OR51B5: variants seen among roughly 807,000 people sequenced by gnomAD.
OR51B5 encodes the protein olfactory receptor 51B5.
For synonymous variants in OR51B5, 186 were observed against 144.8 expected (o/e 1.28, Z -2.04); for missense variants, 456 against 374.6 (o/e 1.22, Z -1.79).
At chr11:5,415,565 T>C (rs2133754562) in intron 1 of OR51B5, among the ~76,000 whole-genome samples, 1 of 151,922 alleles carries the variant, frequency 6.6e-6, no homozygotes. Flanking sequence ...AAGAATCAAA[T>C]AGATGCAATG....
At chr11:5,360,783 C>A (rs550121596) in intron 1 of OR51B5, among the ~76,000 whole-genome samples, 1 of 148,038 alleles carries the variant, frequency 6.8e-6, no homozygotes, top group African/African-American at 2.5e-5. Flanking sequence ...AAACGTGGCA[C>A]ATATACACCA....
chr11:5,353,200 T>A (rs776029264), intron 1 of OR51B5, among the ~76,000 whole-genome samples: 1 of 152,156 alleles, frequency 6.6e-6, no homozygotes, highest in Non-Finnish European at 1.5e-5. Context: ...ATGATGAGTC[T>A]AGGGAAAGTA....
intron 1 of OR51B5, among the ~76,000 whole-genome samples, chr11:5,365,264 T>C (rs1408923955): frequency 6.6e-6 from 1 of 152,128 alleles, no homozygotes; most frequent in East Asian, 1.9e-4. Flanking sequence ...GAAGGGCTGG[T>C]GGTGAGAACA....
Position 5,420,041 on chromosome 11 carries a change from G to A in OR51B5, n.85-73131C>T, listed in dbSNP as rs975800756. ...AAACAAATGTTGCATATTTATTTTAGTTATGATAGGTGATAGATATATAGG... is the reference window on the plus strand; with the variant it reads ...AAACAAATGTTGCATATTTATTTTAATTATGATAGGTGATAGATATATAGG... On this transcript the variant is annotated intron_variant and non_coding_transcript_variant, in intron 1 of 4. Transcript: ENST00000415970. Among the ~76,000 whole-genome samples the A allele has an allele frequency of 4.0e-5, 6 of 150,930 alleles. No individual in the cohort carries two copies. The East Asian group carries it at 1.2e-3, about 30-fold the overall frequency.
At chr11:5,389,767 G>A (rs1849763829) in intron 1 of OR51B5, 2 of 1,612,720 alleles carry the variant, frequency 1.2e-6, no homozygotes, top group Non-Finnish European at 1.7e-6. Context: ...CCTTCATGGA[G>A]TCCTCAGTGC....
At chr11:5,370,110 A>G (rs966110122) in intron 1 of OR51B5, among the ~76,000 whole-genome samples, 7 of 152,192 alleles carry the variant, frequency 4.6e-5, no homozygotes, top group African/African-American at 1.7e-4. Flanking sequence ...TTCTATAGAA[A>G]TGCATATAGA....
chr11:5,400,591 C>T lies in OR51B5; in HGVS notation n.85-53681G>A, dbSNP rs898464994. Among the ~76,000 whole-genome samples the T allele has an allele frequency of 3.9e-5, 6 of 152,282 alleles. No homozygotes were observed. The East Asian group carries it at 9.6e-4, about 24-fold the overall frequency. The stretch of plus-strand genomic sequence containing the variant: ...ATAAATTGGGTTTTTCCCTTTAGGA[C>T]CCTCTCAAAGTATCTTGAACATTTC... On this transcript the variant is annotated intron_variant and non_coding_transcript_variant, in intron 1 of 4. Transcript: ENST00000415970.
At chr11:5,352,869 CTGTG>C (rs72202255) in intron 1 of OR51B5, among the ~76,000 whole-genome samples, 18,298 of 146,452 alleles carry the variant, frequency 0.12, 1,248 homozygotes, top group Non-Finnish European at 0.16. Flanking sequence ...GTGTATGTAT[CTGTG>C]TGTGTTTATA....
At chr11:5,357,413 CAAG>C (rs1041199807) in intron 1 of OR51B5, among the ~76,000 whole-genome samples, 1 of 151,044 alleles carries the variant, frequency 6.6e-6, no homozygotes, top group Non-Finnish European at 1.5e-5. Flanking sequence ...ATCAATTCAA[CAAG>C]AAGAGCTAAC....
chr11:5,419,390 G>A (rs1498477), intron 1 of OR51B5, among the ~76,000 whole-genome samples: 125,031 of 152,188 alleles, frequency 0.82, 52,180 homozygotes, highest in Non-Finnish European at 0.89. Context: ...TTGGTCCTCC[G>A]TATTTGTGGG....
chr11:5,404,248 C>T (rs1010865736), intron 1 of OR51B5, among the ~76,000 whole-genome samples: 3 of 152,100 alleles, frequency 2.0e-5, no homozygotes, highest in African/African-American at 7.2e-5. Flanking sequence ...TTCTCTGTGT[C>T]TAGCTAAAGG....
intron 1 of OR51B5, chr11:5,403,686 A>G (rs1367810722): frequency 5.5e-6 from 2 of 365,540 alleles, no homozygotes; most frequent in South Asian, 2.0e-5. Context: ...TAGTCTGTCC[A>G]TGAACTGAGG....
Position 5,379,486 on chromosome 11 carries a change from A to T in OR51B5, n.85-32576T>A, listed in dbSNP as rs552488062. 3.8e-3 allele frequency among the ~76,000 whole-genome samples: 570 copies of T among 150,938 alleles called. 2 individuals are homozygous for T. The highest frequency in any genetic ancestry group is 6.7e-3 in the Non-Finnish European group (453 of 67,618). The stretch of plus-strand genomic sequence containing the variant: ...AATAATAATAAATAAAATAAATAAA[A>T]AAATAAAAAATAAAGTTCCAGTTTA... On this transcript the variant is annotated intron_variant and non_coding_transcript_variant, in intron 1 of 4. Transcript: ENST00000415970.
At chr11:5,490,521 G>C (rs1464699324) in intron 1 of OR51B5, among the ~76,000 whole-genome samples, 5 of 152,142 alleles carry the variant, frequency 3.3e-5, no homozygotes, top group Admixed American at 3.3e-4. Flanking sequence ...ATTCAGGGGA[G>C]CCAGCCCCAA....
intron 1 of OR51B5, among the ~76,000 whole-genome samples, chr11:5,379,150 T>C (rs1001585546): frequency 7.2e-5 from 11 of 152,008 alleles, no homozygotes; most frequent in African/African-American, 2.7e-4. Flanking sequence ...GATGAGTTCA[T>C]GTCCTTTGTA....
chr11:5,454,212 G>A, intron 1 of OR51B5: 1 of 1,614,160 alleles, frequency 6.2e-7, no homozygotes, highest in South Asian at 1.1e-5. Flanking sequence ...CAACACATGT[G>A]TGTCACATAT....
intron 1 of OR51B5, among the ~76,000 whole-genome samples, chr11:5,480,130 A>G (rs1403675372): frequency 6.6e-6 from 1 of 152,202 alleles, no homozygotes; most frequent in Non-Finnish European, 1.5e-5. Context: ...CATCAAATGT[A>G]AAAGAACAGA....
At position 5,355,851 on chromosome 11, in the gene OR51B5, G is replaced by C. The variant is rs550750022; in HGVS notation, n.85-8941C>G. On this transcript the variant is annotated intron_variant and non_coding_transcript_variant, in intron 1 of 4. Coordinates refer to the OR51B5 transcript ENST00000415970. ...GTAATGCCCTGCTCTGATTCCTGTA[G>C]TGACATAGGCGTCAATATACAGACA... Among the ~76,000 whole-genome samples, 13 of 152,090 alleles carry C rather than the reference G, an allele frequency of 8.5e-5. No individual in the cohort carries two copies. The South Asian group carries it at 2.7e-3, about 32-fold the overall frequency.
intron 1 of OR51B5, among the ~76,000 whole-genome samples, chr11:5,445,790 T>A (rs1337201395): frequency 6.6e-6 from 1 of 151,762 alleles, no homozygotes; most frequent in Non-Finnish European, 1.5e-5. Flanking sequence ...AATAATAATA[T>A]AACTGCTGAA....
Sources: gnomAD v4.1 joint callset for allele counts (sites outside exome capture counted in the v4.1 genomes callset) on GRCh38, gnomAD v4.1.1 for gene constraint, MANE v1.5 for transcripts, NCBI Gene and HGNC (gene_info 2026-07-23, HGNC 2026-07-21) for gene names.